NCAM2: variants seen among roughly 807,000 people sequenced by gnomAD.
NCAM2 encodes N-CAM-2.
Under a neutral mutation model 98.1 loss-of-function variants are expected in NCAM2, and 30 were observed. That is an observed-to-expected ratio of 0.31 (90% CI 0.23 to 0.41). The LOEUF (loss-of-function observed/expected upper bound fraction) is 0.41, where lower values mean the gene tolerates loss of function less well. NCAM2 is among the 10% of genes least tolerant of loss of function. The probability of loss-of-function intolerance (pLI) is 1.00; values close to 1 mark genes in which losing one functional copy is unlikely to be tolerated. For missense variants in NCAM2, 867 were observed against 1,005.8 expected (o/e 0.86, Z 1.87); for synonymous variants, 368 against 342.4 (o/e 1.07, Z -0.83).
At chr21:21,495,122 G>A (rs916888463) in intron 15 of NCAM2, among the ~76,000 whole-genome samples, 34 of 150,926 alleles carry the variant, frequency 2.3e-4, no homozygotes, top group African/African-American at 8.1e-4. Context: ...AAAGCAGGGC[G>A]GCCATGGGGG....
chr21:21,350,210 T>C (rs558280816), intron 8 of NCAM2, among the ~76,000 whole-genome samples: 2 of 151,924 alleles, frequency 1.3e-5, no homozygotes, highest in South Asian at 4.2e-4. Flanking sequence ...ACCCCAAAAC[T>C]TAAAAATTTA....
Position 21,141,973 on chromosome 21 carries a change from A to G in NCAM2, c.56-138605A>G, listed in dbSNP as rs574049992. ...ATAATAGATACATGAAAGATGATAGATAGAGATAAATGGATGAAATAAGTA... is the reference window on the plus strand; with the variant it reads ...ATAATAGATACATGAAAGATGATAGGTAGAGATAAATGGATGAAATAAGTA... On this transcript the variant is annotated intron_variant, in intron 1 of 17. Coordinates refer to ENST00000400546, the MANE Select transcript of NCAM2 (RefSeq NM_004540.5). Among the ~76,000 whole-genome samples, 8 of 152,326 alleles carry G rather than the reference A, an allele frequency of 5.3e-5. No individual in the cohort carries two copies. The South Asian group carries it at 1.4e-3, about 28-fold the overall frequency.
intron 1 of NCAM2, among the ~76,000 whole-genome samples, chr21:21,222,814 C>T (rs1297261407): frequency 6.6e-6 from 1 of 152,130 alleles, no homozygotes; most frequent in Non-Finnish European, 1.5e-5. Flanking sequence ...GACTGACTCT[C>T]ATTTTCAAAG....
chr21:21,434,098 A>G (rs962300939), intron 12 of NCAM2, among the ~76,000 whole-genome samples: 4 of 152,206 alleles, frequency 2.6e-5, no homozygotes, highest in Non-Finnish European at 4.4e-5. Flanking sequence ...CTGACATTTT[A>G]TCTTACCTGT....
chr21:21,010,882 A>G (rs2064197230), intron 1 of NCAM2, among the ~76,000 whole-genome samples: 1 of 152,154 alleles, frequency 6.6e-6, no homozygotes, highest in East Asian at 1.9e-4. Flanking sequence ...TGAATGATAA[A>G]GGGAAGTGAA....
In NCAM2 at chr21:21,174,978, C is replaced by T. The variant is rs148391567; in HGVS notation, c.56-105600C>T. ...AATCAAGAAAGAACTTGACATGGAGCGTAATGGATAATTATTTCTAGAACA... is the reference window on the plus strand; with the variant it reads ...AATCAAGAAAGAACTTGACATGGAGTGTAATGGATAATTATTTCTAGAACA... On this transcript the variant is annotated intron_variant, in intron 1 of 17. Coordinates refer to ENST00000400546, the MANE Select transcript of NCAM2 (RefSeq NM_004540.5). Among the ~76,000 whole-genome samples the T allele has an allele frequency of 3.5e-3, 535 of 151,632 alleles. 5 individuals are homozygous for T. The highest frequency in any genetic ancestry group is 0.012 in the African/African-American group (507 of 41,318).
chr21:21,017,708 C>T (rs886515897), intron 1 of NCAM2, among the ~76,000 whole-genome samples: 8 of 152,000 alleles, frequency 5.3e-5, no homozygotes, highest in African/African-American at 1.5e-4. Context: ...ACTATGCACG[C>T]GCTCCATAAT....
At chr21:21,431,182 TA>T (rs2077335620) in intron 11 of NCAM2, among the ~76,000 whole-genome samples, 1 of 144,064 alleles carries the variant, frequency 6.9e-6, no homozygotes, top group African/African-American at 2.9e-5. Context: ...GAAAAAAAAT[TA>T]TTTTTTTATC....
intron 1 of NCAM2, among the ~76,000 whole-genome samples, chr21:21,276,737 A>C (rs2072742851): frequency 6.6e-6 from 1 of 152,008 alleles, no homozygotes; most frequent in African/African-American, 2.4e-5. Flanking sequence ...GTTCAATTAG[A>C]GCAAATCTGG....
At chr21:21,100,912 C>T (rs2066228623) in intron 1 of NCAM2, among the ~76,000 whole-genome samples, 1 of 151,988 alleles carries the variant, frequency 6.6e-6, no homozygotes, top group African/African-American at 2.4e-5. Context: ...TTCCTAGTAT[C>T]CAGTTTCTAG....
intron 1 of NCAM2, among the ~76,000 whole-genome samples, chr21:21,262,424 G>A (rs984737291): frequency 6.6e-6 from 1 of 151,922 alleles, no homozygotes; most frequent in South Asian, 2.1e-4. Flanking sequence ...AAAACTACAG[G>A]CTAATATCCC....
chr21:21,146,635 G>A (rs1380407952), intron 1 of NCAM2, among the ~76,000 whole-genome samples: 3 of 148,356 alleles, frequency 2.0e-5, no homozygotes, highest in African/African-American at 5.0e-5. Context: ...GCCATTTAAC[G>A]TATTAAAGAA....
chr21:21,484,332 A>T (rs1470242548), intron 15 of NCAM2, among the ~76,000 whole-genome samples: 2 of 152,140 alleles, frequency 1.3e-5, no homozygotes, highest in African/African-American at 2.4e-5. Flanking sequence ...TGCATTAATT[A>T]TTCTTTTTTC....
At chr21:21,497,479 T>C (rs529243821) in intron 15 of NCAM2, among the ~76,000 whole-genome samples, 4 of 152,186 alleles carry the variant, frequency 2.6e-5, no homozygotes, top group East Asian at 3.9e-4. Flanking sequence ...AATCAGATAT[T>C]AAGAAAAAGC....
chr21:21,330,612 T>C (rs1343901805), intron 6 of NCAM2, among the ~76,000 whole-genome samples: 2 of 152,094 alleles, frequency 1.3e-5, no homozygotes, highest in Non-Finnish European at 1.5e-5. Flanking sequence ...CTTGATAGTA[T>C]TGTGGAAGTC....
At chr21:21,467,123 A>G (rs1227432890) in intron 13 of NCAM2, among the ~76,000 whole-genome samples, 1 of 151,862 alleles carries the variant, frequency 6.6e-6, no homozygotes, top group African/African-American at 2.4e-5. Context: ...CACAAATTAT[A>G]TGGGCTCTAA....
chr21:21,276,596 G>C (rs760609886), intron 1 of NCAM2, among the ~76,000 whole-genome samples: 4 of 151,968 alleles, frequency 2.6e-5, no homozygotes, highest in African/African-American at 7.2e-5. Flanking sequence ...GCTGCCATAG[G>C]TGATAAACTC....
At position 21,105,020 on chromosome 21, in the gene NCAM2, G is replaced by T. The variant is rs190664491; in HGVS notation, c.55+106402G>T. Among the ~76,000 whole-genome samples, 183 of 152,142 alleles carry T rather than the reference G, an allele frequency of 1.2e-3. 1 individual carries two copies. Among genetic ancestry groups the T allele is most frequent in the African/African-American group, 4.2e-3 (173 of 41,540 alleles). On this transcript the variant is annotated intron_variant, in intron 1 of 17. Coordinates refer to ENST00000400546, the MANE Select transcript of NCAM2 (RefSeq NM_004540.5). ...CCCAGTCTCAAACAAGTCTTCAGAGGTTGCTACCCTAGCCAACAGCAAGTT... is the reference window on the plus strand; with the variant it reads ...CCCAGTCTCAAACAAGTCTTCAGAGTTTGCTACCCTAGCCAACAGCAAGTT...
chr21:21,525,720 G>GC (rs1349120037), intron 16 of NCAM2, among the ~76,000 whole-genome samples: 1 of 151,930 alleles, frequency 6.6e-6, no homozygotes, highest in African/African-American at 2.4e-5. Context: ...AAAACCACAG[G>GC]CCAATATCTT....
Sources: allele counts gnomAD v4.1 joint callset (sites outside exome capture counted in the v4.1 genomes callset), GRCh38; gene constraint gnomAD v4.1.1; transcripts MANE v1.5; gene names NCBI Gene and HGNC (gene_info 2026-07-23, HGNC 2026-07-21).